FAM107B: variants seen among roughly 807,000 people sequenced by gnomAD.
The protein encoded by FAM107B is protein FAM107B.
FAM107B carries 21 observed loss-of-function variants against 31.5 expected under a neutral mutation model. The observed-to-expected ratio is 0.67, with a 90% confidence interval of 0.47 to 0.96. The LOEUF is 0.96. FAM107B is among the 40% of genes least tolerant of loss of function. The pLI is 0.00. For synonymous variants in FAM107B, 157 were observed against 141.5 expected (o/e 1.11, Z -0.78); for missense variants, 452 against 377.1 (o/e 1.20, Z -1.64).
chr10:14,750,829 G>T (rs1322694775), intron 1 of FAM107B, among the ~76,000 whole-genome samples: 1 of 152,170 alleles, frequency 6.6e-6, no homozygotes, highest in Admixed American at 6.5e-5. Flanking sequence ...TTCTAGACGG[G>T]AAGGGGGCTC....
At chr10:14,715,104 G>A (rs557570806) in intron 1 of FAM107B, among the ~76,000 whole-genome samples, 5 of 152,182 alleles carry the variant, frequency 3.3e-5, no homozygotes, top group South Asian at 2.1e-4. Flanking sequence ...GTGATCAGCC[G>A]ATACTCAAAG....
At chr10:14,628,903 T>C (rs1853246076) in intron 2 of FAM107B, among the ~76,000 whole-genome samples, 1 of 151,990 alleles carries the variant, frequency 6.6e-6, no homozygotes, top group Admixed American at 6.6e-5. Context: ...TTGGTATGAC[T>C]AATAGATTTA....
intron 1 of FAM107B, among the ~76,000 whole-genome samples, chr10:14,761,898 C>T (rs996685865): frequency 2.6e-5 from 4 of 152,166 alleles, no homozygotes; most frequent in South Asian, 2.1e-4. Context: ...CGCACCGGGC[C>T]GATGGCTCAT....
At chr10:14,573,843 T>C (rs922686494) in intron 2 of FAM107B, among the ~76,000 whole-genome samples, 3 of 152,148 alleles carry the variant, frequency 2.0e-5, no homozygotes, top group Admixed American at 6.5e-5. Flanking sequence ...AACAATGCTG[T>C]TTGACTCACA....
chr10:14,726,691 T>C (rs1856043522), intron 1 of FAM107B, among the ~76,000 whole-genome samples: 2 of 152,138 alleles, frequency 1.3e-5, no homozygotes, highest in Admixed American at 6.6e-5. Flanking sequence ...GCAGATTAAA[T>C]GACTTTTCCA....
rs368917397 is a variant in FAM107B at position 14,596,865 on chromosome 10, T to C, written c.470-66350A>G. ...TAGAAGGACAAGCAGGCATAAAGAA[T>C]GCAGGCTTCTATCTCACCCTAAGAC... On this transcript the variant is annotated intron_variant, in intron 2 of 4. Coordinates refer to ENST00000181796, the MANE Select transcript of FAM107B (RefSeq NM_031453.4). Among the ~76,000 whole-genome samples the C allele has an allele frequency of 3.9e-5, 6 of 152,276 alleles. No individual in the cohort carries two copies. The East Asian group carries it at 1.2e-3, about 29-fold the overall frequency.
chr10:14,641,178 C>T (rs1853618133), intron 2 of FAM107B, among the ~76,000 whole-genome samples: 1 of 152,164 alleles, frequency 6.6e-6, no homozygotes, highest in Non-Finnish European at 1.5e-5. Context: ...TAGTTTTTTT[C>T]TTAGGTAGAT....
intron 2 of FAM107B, among the ~76,000 whole-genome samples, chr10:14,571,069 C>G (rs1350156422): frequency 6.6e-6 from 1 of 152,102 alleles, no homozygotes; most frequent in East Asian, 1.9e-4. Flanking sequence ...AAGGTGCCAG[C>G]AGATCGGGTG....
At chr10:14,611,786 C>A (rs922737943) in intron 2 of FAM107B, among the ~76,000 whole-genome samples, 4 of 151,720 alleles carry the variant, frequency 2.6e-5, no homozygotes, top group African/African-American at 9.7e-5. Context: ...TCGTCTGGAG[C>A]TCAAGGTCCT....
Position 14,590,015 on chromosome 10 carries a change from T to C in FAM107B, c.470-59500A>G, listed in dbSNP as rs549286637. Among the ~76,000 whole-genome samples the C allele has an allele frequency of 2.8e-3, 424 of 152,278 alleles. 1 individual carries two copies. Among genetic ancestry groups the C allele is most frequent in the African/African-American group, 9.8e-3 (407 of 41,548 alleles). Reference sequence around the variant, plus strand: ...ATGCATGTAAGAAGCATTTAACATGTTCAAAAGAAACACTTAACGTACTAA... The same window carrying C: ...ATGCATGTAAGAAGCATTTAACATGCTCAAAAGAAACACTTAACGTACTAA... On this transcript the variant is annotated intron_variant, in intron 2 of 4. Transcript: ENST00000181796.
chr10:14,681,567 C>T (rs981964113), intron 1 of FAM107B, among the ~76,000 whole-genome samples: 39 of 152,300 alleles, frequency 2.6e-4, no homozygotes, highest in East Asian at 1.9e-4. Context: ...ACTTGCCCCT[C>T]GTCACATGCT....
chr10:14,635,129 G>C (rs1853463972), intron 2 of FAM107B, among the ~76,000 whole-genome samples: 1 of 143,848 alleles, frequency 7.0e-6, no homozygotes, highest in Admixed American at 6.9e-5. Context: ...AAAGAAGAAA[G>C]GAAGGAAGGG....
chr10:14,570,233 G>GGGGTGTGT (rs1554835078), intron 2 of FAM107B, among the ~76,000 whole-genome samples: 5,988 of 140,394 alleles, frequency 0.043, 173 homozygotes, highest in Non-Finnish European at 0.061. Context: ...AAATGTGGTG[G>GGGGTGTGT]GTGTGTGTGT....
At chr10:14,650,946 A>G (rs1010908216) in intron 2 of FAM107B, among the ~76,000 whole-genome samples, 1 of 152,226 alleles carries the variant, frequency 6.6e-6, no homozygotes, top group Non-Finnish European at 1.5e-5. Context: ...GGAAACTTCT[A>G]GCGTCTGAGC....
intron 2 of FAM107B, among the ~76,000 whole-genome samples, chr10:14,612,020 T>G (rs1475859329): frequency 6.6e-6 from 1 of 151,654 alleles, no homozygotes; most frequent in Non-Finnish European, 1.5e-5. Context: ...ACATAAGTCC[T>G]TATTTATATA....
chr10:14,524,340 G>C (rs968906539), intron 3 of FAM107B, among the ~76,000 whole-genome samples: 2 of 152,170 alleles, frequency 1.3e-5, no homozygotes, highest in African/African-American at 4.8e-5. Flanking sequence ...ACCACACCCA[G>C]CTAGTATAGT....
chr10:14,611,997 AT>A (rs1212216290), intron 2 of FAM107B, among the ~76,000 whole-genome samples: 13 of 152,242 alleles, frequency 8.5e-5, no homozygotes, highest in Admixed American at 7.9e-4. Flanking sequence ...ATAAATATAT[AT>A]ACATGTTATA....
chr10:14,688,943 A>C (rs1049452225), intron 1 of FAM107B, among the ~76,000 whole-genome samples: 2 of 152,194 alleles, frequency 1.3e-5, no homozygotes, highest in African/African-American at 4.8e-5. Flanking sequence ...TGGGCTAGAA[A>C]ACCAAAGGAG....
At chr10:14,534,570 C>A (rs1242466875) in intron 2 of FAM107B, among the ~76,000 whole-genome samples, 1 of 152,168 alleles carries the variant, frequency 6.6e-6, no homozygotes, top group East Asian at 1.9e-4. Context: ...ATCCTCACAC[C>A]CCGCCTTCCC....
Sources: allele counts gnomAD v4.1 joint callset (sites outside exome capture counted in the v4.1 genomes callset), GRCh38; gene constraint gnomAD v4.1.1; transcripts MANE v1.5; gene names NCBI Gene and HGNC (gene_info 2026-07-23, HGNC 2026-07-21).